Variants in KRABD4 observed in about 807,000 individuals in gnomAD.
KRABD4 encodes KRAB domain containing 4.
At chrX:46,467,550 G>A in the KRABD4 span, among the ~76,000 whole-genome samples, 20 of 110,968 alleles carry the variant, frequency 1.8e-4, no homozygotes, top group Non-Finnish European at 3.2e-4. Context: ...GTAAGACCCT[G>A]TCTCTCAAAA....
chrX:46,458,766 A>G, the KRABD4 span, among the ~76,000 whole-genome samples: 6 of 112,130 alleles, frequency 5.4e-5, no homozygotes, highest in African/African-American at 1.9e-4. Context: ...AAGTAGAAGG[A>G]GAAAGCCCTA....
the KRABD4 span, chrX:46,462,592 G>T: frequency 1.0e-6 from 1 of 955,989 alleles, no homozygotes; most frequent in South Asian, 2.3e-5. Flanking sequence ...CTGGCTGTGT[G>T]ACCTGGGTTA....
At chrX:46,463,137 G>T in the KRABD4 span, 1 of 1,132,416 alleles carries the variant, frequency 8.8e-7, no homozygotes, top group Admixed American at 2.2e-5. Context: ...GCAGGGGTGG[G>T]CCTAGGTTCT....
At chrX:46,455,112 GGGTTCCACTA>G in the KRABD4 span, 1 of 566,242 alleles carries the variant, frequency 1.8e-6, no homozygotes, top group Non-Finnish European at 2.7e-6. Context: ...AATTACTTGT[GGGTTCCACTA>G]GGTTTACAGG....
At chrX:46,461,790 C>T in the KRABD4 span, among the ~76,000 whole-genome samples, 2 of 111,711 alleles carry the variant, frequency 1.8e-5, no homozygotes. Context: ...ATGTTTAGAA[C>T]TGTTTGTTGT....
the KRABD4 span, among the ~76,000 whole-genome samples, chrX:46,465,636 C>T: frequency 8.9e-6 from 1 of 111,857 alleles, no homozygotes; most frequent in Non-Finnish European, 1.9e-5. Flanking sequence ...TGGTTGTTAA[C>T]CAGAGATGTA....
At chrX:46,463,340 G>A in the KRABD4 span, 1 of 1,169,143 alleles carries the variant, frequency 8.6e-7, no homozygotes. Context: ...AGACCAGGTT[G>A]GTTGGTGAGA....
chrX:46,456,128 A>AG, the KRABD4 span: 1 of 280,237 alleles, frequency 3.6e-6, no homozygotes, highest in Admixed American at 4.2e-5. Flanking sequence ...TTCAGAGTTC[A>AG]GGGGGTAGTT....
the KRABD4 span, chrX:46,462,544 G>T: frequency 1.8e-6 from 1 of 567,940 alleles, no homozygotes; most frequent in Non-Finnish European, 2.7e-6. Flanking sequence ...CATTGTGGGT[G>T]TGGGAACCAG....
chrX:46,456,331 TTAA>T, the KRABD4 span: 1 of 105,668 alleles, frequency 9.5e-6, no homozygotes, highest in African/African-American at 3.5e-5. Context: ...GTATAATTTA[TTAA>T]TTATTATAAA....
At chrX:46,459,835 C>A in the KRABD4 span, among the ~76,000 whole-genome samples, 1 of 111,837 alleles carries the variant, frequency 8.9e-6, no homozygotes, top group Non-Finnish European at 1.9e-5. Flanking sequence ...CATATGTAAT[C>A]CCAGGCCCCA....
the KRABD4 span, chrX:46,453,998 C>T: frequency 8.9e-6 from 1 of 112,257 alleles, no homozygotes; most frequent in Non-Finnish European, 1.9e-5. Flanking sequence ...TACATCTTAA[C>T]TTTATATATA....
the KRABD4 span, chrX:46,472,864 C>A: frequency 5.8e-6 from 7 of 1,211,473 alleles, no homozygotes; most frequent in Non-Finnish European, 7.8e-6. Context: ...GGTCAAGAAT[C>A]CAGAACATGT....
chrX:46,461,492 C>A, the KRABD4 span, among the ~76,000 whole-genome samples: 2 of 111,710 alleles, frequency 1.8e-5, no homozygotes, highest in African/African-American at 6.5e-5. Flanking sequence ...GGCTTTCCTG[C>A]CCCTCTCCTG....
At chrX:46,449,001 G>A in the KRABD4 span, among the ~76,000 whole-genome samples, 1 of 101,984 alleles carries the variant, frequency 9.8e-6, no homozygotes, top group Non-Finnish European at 2.0e-5. Context: ...TAATGAAAGT[G>A]GGCCAGGGGA....
At chrX:46,455,963 G>A in the KRABD4 span, 14 of 310,216 alleles carry the variant, frequency 4.5e-5, no homozygotes, top group East Asian at 8.2e-5. Context: ...AATTCTGAAC[G>A]CTGCCATCCA....
chrX:46,449,168 A>G, the KRABD4 span, among the ~76,000 whole-genome samples: 3 of 112,292 alleles, frequency 2.7e-5, no homozygotes, highest in Non-Finnish European at 5.6e-5. Flanking sequence ...CAAAATGCAA[A>G]TTGTGAGAAA....
chrX:46,470,482 A>G, the KRABD4 span, among the ~76,000 whole-genome samples: 1 of 111,328 alleles, frequency 9.0e-6, no homozygotes, highest in African/African-American at 3.3e-5. Flanking sequence ...TTCACTCAGC[A>G]TACTTCTCAG....
chrX:46,452,881 C>T, the KRABD4 span, among the ~76,000 whole-genome samples: 1 of 111,724 alleles, frequency 9.0e-6, no homozygotes, highest in East Asian at 2.8e-4. Flanking sequence ...GTGATTTTTG[C>T]CATTGTGAGG....
Sources: allele counts gnomAD v4.1 joint callset (sites outside exome capture counted in the v4.1 genomes callset), GRCh38; gene constraint gnomAD v4.1.1; transcripts MANE v1.5; gene names NCBI Gene and HGNC (gene_info 2026-07-23, HGNC 2026-07-21).